The following TBC1D21 variants were observed in gnomAD, a reference collection of about 807,000 sequenced individuals.
The protein encoded by TBC1D21 is TBC1 domain family member 21, also known as male germ cell Rab GTPase-activating protein.
A neutral mutation model predicts 46.0 loss-of-function variants in TBC1D21; 38 were observed. The ratio of observed to expected loss-of-function variants is 0.83; its 90% CI spans 0.64 to 1.08. The LOEUF (loss-of-function observed/expected upper bound fraction) is 1.08, where lower values mean the gene tolerates loss of function less well. Among genes scored for constraint, TBC1D21 ranks in the 50% least tolerant of loss-of-function variants. The pLI is 0.00. For synonymous variants in TBC1D21, 151 were observed against 157.2 expected, an observed-to-expected ratio of 0.96 and a Z score of 0.29; for missense variants, 415 against 417.9, an observed-to-expected ratio of 0.99 and a Z score of 0.06.
chr15:73,902,256 C>T, the TBC1D21 span, among the ~76,000 whole-genome samples: 83 of 152,308 alleles, frequency 5.4e-4, no homozygotes, highest in South Asian at 1.5e-3. Context: ...GCCTGCCTGC[C>T]GTGGCCCTCC....
chr15:73,882,843 G>A (rs1252119691), intron 3 of TBC1D21, among the ~76,000 whole-genome samples: 2 of 152,192 alleles, frequency 1.3e-5, no homozygotes, highest in Admixed American at 6.5e-5. Context: ...CCCTGAAGCC[G>A]GAGGCCCTTG....
At chr15:73,904,995 G>A in the TBC1D21 span, among the ~76,000 whole-genome samples, 9 of 152,284 alleles carry the variant, frequency 5.9e-5, no homozygotes, top group East Asian at 3.9e-4. Flanking sequence ...AGAATTTAGC[G>A]ACAAAAACAC....
At chr15:73,882,670 C>A (rs188202829) in intron 3 of TBC1D21, among the ~76,000 whole-genome samples, 8 of 152,318 alleles carry the variant, frequency 5.3e-5, no homozygotes. Context: ...GGTAAACTTG[C>A]CCATGAACTT....
At chr15:73,906,124 GA>G in the TBC1D21 span, among the ~76,000 whole-genome samples, 3 of 152,188 alleles carry the variant, frequency 2.0e-5, no homozygotes, top group Admixed American at 6.5e-5. Context: ...AAGAGTCCCA[GA>G]AAGTTTGTTG....
Position 73,888,515 on chromosome 15 carries a change from T to C in TBC1D21, c.978+2T>C. The C allele has an allele frequency of 6.2e-7, 1 of 1,613,574 alleles. No individual in the cohort carries two copies. Among genetic ancestry groups the C allele is most frequent in the East Asian group, 2.2e-5 (1 of 44,874 alleles). ...TATGCTGAGCTCATCCAGAAGGATG[T>C]AAGTTGCCCCAATGATGTGTCCTCC... On this transcript the variant is annotated splice_donor_variant, in intron 10 of 10. Transcript: ENST00000300504. LOFTEE classifies it high-confidence loss of function.
chr15:73,905,087 T>C, the TBC1D21 span, among the ~76,000 whole-genome samples: 1 of 152,146 alleles, frequency 6.6e-6, no homozygotes, highest in Non-Finnish European at 1.5e-5. Context: ...GGGCCCACGG[T>C]GCATGAGGCA....
In TBC1D21 at chr15:73,876,199, G is replaced by GGTGTTTTTTTTGTTTT. The variant is rs2068057275; in HGVS notation, c.60+2430_60+2431insGTGTTTTTTTTGTTTT. On this transcript the variant is annotated intron_variant, in intron 1 of 10. Coordinates refer to ENST00000300504, the MANE Select transcript of TBC1D21 (RefSeq NM_153356.3). ...GAAGAATCAGTGACTTTTTTTGTGG[G>GGTGTTTTTTTTGTTTT]TTTTTTTTTTTTTTTTTTTTTTTTT... 7.1e-5 allele frequency among the ~76,000 whole-genome samples: 2 copies of GGTGTTTTTTTTGTTTT among 28,314 alleles called. 1 individual carries two copies. The allele number at this position is 28,314 out of a possible 152,430, so 18.6% of individuals were successfully genotyped here. A position where few individuals can be genotyped will look rare whatever the true frequency, so the allele number is the denominator to read the frequency against.
rs761069663 is a variant in TBC1D21 at position 73,887,607 on chromosome 15, T to A, written c.778-13T>A. 2.5e-6 allele frequency: 4 copies of A among 1,612,958 alleles called. No individual in the cohort carries two copies. In the South Asian group the frequency reaches 4.4e-5, roughly 18 times the overall value. ...AGACCACAGGGCCCAGACTGAGACG[T>A]CCTGACCCACAGGTTCTGCTGACGG... is the stretch of plus-strand genomic sequence containing the variant. On this transcript the variant is annotated splice_polypyrimidine_tract_variant and intron_variant, in intron 8 of 10. Transcript: ENST00000300504.
chr15:73,881,154 C>T (rs533381481), intron 1 of TBC1D21, among the ~76,000 whole-genome samples: 1 of 152,322 alleles, frequency 6.6e-6, no homozygotes, highest in East Asian at 1.9e-4. Context: ...TACTTAACTA[C>T]CCCCTTATTG....
At chr15:73,885,793 G>A (rs2068233786) in intron 6 of TBC1D21, among the ~76,000 whole-genome samples, 1 of 147,332 alleles carries the variant, frequency 6.8e-6, no homozygotes, top group African/African-American at 2.5e-5. Flanking sequence ...AGCCACAGTT[G>A]AGAATCTCTA....
the TBC1D21 span, among the ~76,000 whole-genome samples, chr15:73,898,880 A>AAAAAAAAAAAATATATAT: frequency 1.6e-4 from 9 of 56,796 alleles, no homozygotes; most frequent in East Asian, 1.5e-3. Context: ...AAAAAAAAAA[A>AAAAAAAAAAAATATATAT]ATATATATAT....
intron 6 of TBC1D21, 95 bp from the exon 7 acceptor site, chr15:73,885,983 G>C (rs2068238144): frequency 2.1e-6 from 2 of 974,146 alleles, no homozygotes; most frequent in African/African-American, 1.6e-5. Context: ...CAGACACACA[G>C]AGCCTCCAGA....
At chr15:73,894,797 C>A in the TBC1D21 span, among the ~76,000 whole-genome samples, 18 of 152,188 alleles carry the variant, frequency 1.2e-4, no homozygotes, top group African/African-American at 4.3e-4. Context: ...CTGGATGGAA[C>A]AAGACCAAGG....
chr15:73,903,040 AAC>A, the TBC1D21 span, among the ~76,000 whole-genome samples: 1 of 152,184 alleles, frequency 6.6e-6, no homozygotes, highest in Non-Finnish European at 1.5e-5. Context: ...GCGACCGTGC[AAC>A]AGTTTTCCCA....
intron 10 of TBC1D21, 51 bp downstream of exon 10, chr15:73,888,564 TTCCTCCTCCTCCTCCTCTTCCTCCTCC>T (rs1567070242): frequency 3.5e-6 from 4 of 1,130,946 alleles, no homozygotes; most frequent in Admixed American, 3.8e-5. Flanking sequence ...CCTCCTCCTC[TTCCTCCTCCTCCTCCTCTTCCTCCTCC>T]TCCTCCTCCT....
At chr15:73,881,779 G>T (rs150708213) in intron 3 of TBC1D21, 32 bp downstream of exon 3, 9 of 1,596,702 alleles carry the variant, frequency 5.6e-6, no homozygotes, top group Admixed American at 3.3e-5. Context: ...TGGGACAGGA[G>T]GGGGGCCTGC....
chr15:73,885,660 C>CAA lies in TBC1D21; in HGVS notation c.580-417_580-416insAA, dbSNP rs1392966046. Among the ~76,000 whole-genome samples the CAA allele has an allele frequency of 1.3e-5, 2 of 151,896 alleles. 1 individual carries two copies. ...CGAGAGGCTGCCCAGAACCCTCCCT[C>CAA]ATCCCTCCCTCCACCCCACCATCCC... On this transcript the variant is annotated intron_variant, in intron 6 of 10. Coordinates refer to ENST00000300504, the MANE Select transcript of TBC1D21 (RefSeq NM_153356.3).
At chr15:73,888,966 G>A in intron 10 of TBC1D21, 103 bp from the exon 11 acceptor site, 1 of 1,417,522 alleles carries the variant, frequency 7.1e-7, no homozygotes, top group Non-Finnish European at 9.8e-7. Flanking sequence ...ATCCCAGTGG[G>A]TCTGGGCACC....
At chr15:73,903,059 A>C in the TBC1D21 span, among the ~76,000 whole-genome samples, 2 of 152,080 alleles carry the variant, frequency 1.3e-5, no homozygotes, top group South Asian at 4.2e-4. Flanking sequence ...CCCATTGTCC[A>C]TACTTTTCAG....
Sources: allele counts gnomAD v4.1 joint callset (sites outside exome capture counted in the v4.1 genomes callset), GRCh38; gene constraint gnomAD v4.1.1; transcripts MANE v1.5; gene names NCBI Gene and HGNC (gene_info 2026-07-23, HGNC 2026-07-21).